The following GSTCD variants were observed in gnomAD, a reference collection of about 807,000 sequenced individuals.
The protein encoded by GSTCD is glutathione S-transferase C-terminal domain containing.
GSTCD carries 44 observed loss-of-function variants against 68.3 expected under a neutral mutation model. The observed-to-expected ratio is 0.64, with a 90% CI of 0.51 to 0.83. The LOEUF (loss-of-function observed/expected upper bound fraction) is 0.83. Among genes scored for constraint, GSTCD ranks in the 40% least tolerant of loss-of-function variants. The pLI, the probability that GSTCD is intolerant of heterozygous loss-of-function variation, is 0.00. For missense variants in GSTCD, 739 were observed against 735.9 expected (o/e 1.00, Z -0.05); for synonymous variants, 273 against 255.2 (o/e 1.07, Z -0.67).
intron 8 of GSTCD, among the ~76,000 whole-genome samples, chr4:105,831,229 GT>G (rs1313931597): frequency 6.6e-6 from 1 of 152,170 alleles, no homozygotes; most frequent in Non-Finnish European, 1.5e-5. Flanking sequence ...GGTATCTAGA[GT>G]TAAGAATCCT....
At chr4:105,716,590 A>T (rs971300518) in intron 1 of GSTCD, among the ~76,000 whole-genome samples, 2 of 152,204 alleles carry the variant, frequency 1.3e-5, no homozygotes, top group African/African-American at 4.8e-5. Flanking sequence ...TCTTAACTGC[A>T]CGCAGGAGGG....
At chr4:105,797,046 ATGTGTGTGTGTG>A (rs201988913) in intron 5 of GSTCD, among the ~76,000 whole-genome samples, 401 of 145,614 alleles carry the variant, frequency 2.8e-3, no homozygotes, top group Non-Finnish European at 4.6e-3. Context: ...ACAGAGATAC[ATGTGTGTGTGTG>A]TGTGTGTGTG....
intron 8 of GSTCD, among the ~76,000 whole-genome samples, chr4:105,826,791 C>T (rs1723639348): frequency 6.6e-6 from 1 of 152,006 alleles, no homozygotes; most frequent in East Asian, 1.9e-4. Flanking sequence ...AACCACTTTC[C>T]AGGAAGGTTC....
intron 5 of GSTCD, among the ~76,000 whole-genome samples, chr4:105,765,900 T>C (rs907872842): frequency 2.0e-5 from 3 of 152,168 alleles, no homozygotes; most frequent in African/African-American, 7.2e-5. Flanking sequence ...GATTGTAAGT[T>C]TCCTGAGGCC....
intron 3 of GSTCD, among the ~76,000 whole-genome samples, chr4:105,720,615 T>G (rs941504930): frequency 1.3e-5 from 2 of 152,188 alleles, no homozygotes; most frequent in African/African-American, 4.8e-5. Context: ...ATTGTTTAGA[T>G]GTTGATTGCT....
intron 5 of GSTCD, among the ~76,000 whole-genome samples, chr4:105,818,738 A>G (rs1723131677): frequency 6.6e-6 from 1 of 151,750 alleles, no homozygotes. Context: ...TCAGGGGTAT[A>G]ACAAGGGAAG....
At chr4:105,797,914 G>A (rs546054470) in intron 5 of GSTCD, among the ~76,000 whole-genome samples, 23 of 151,854 alleles carry the variant, frequency 1.5e-4, no homozygotes, top group African/African-American at 5.6e-4. Context: ...AATTACAGGT[G>A]TGCACCACCA....
intron 5 of GSTCD, among the ~76,000 whole-genome samples, chr4:105,731,200 T>C (rs1253409735): frequency 6.6e-6 from 1 of 152,176 alleles, no homozygotes; most frequent in African/African-American, 2.4e-5. Context: ...CTTAGGATTG[T>C]CTTGGCAATG....
At chr4:105,829,869 A>C (rs553819693) in intron 8 of GSTCD, among the ~76,000 whole-genome samples, 41 of 152,318 alleles carry the variant, frequency 2.7e-4, no homozygotes, top group Non-Finnish European at 5.3e-4. Flanking sequence ...CGTCTTGAAA[A>C]ATAAAAATGT....
intron 5 of GSTCD, among the ~76,000 whole-genome samples, chr4:105,744,311 A>G (rs1733732663): frequency 6.6e-6 from 1 of 152,276 alleles, no homozygotes; most frequent in Non-Finnish European, 1.5e-5. Context: ...GTTAAGCTTT[A>G]TTGAATTAAT....
chr4:105,833,007 G>A (rs1723956046), intron 8 of GSTCD, among the ~76,000 whole-genome samples: 1 of 152,216 alleles, frequency 6.6e-6, no homozygotes, highest in Non-Finnish European at 1.5e-5. Flanking sequence ...TGGGATGACA[G>A]CAACATGGAG....
At position 105,841,117 on chromosome 4, in the gene GSTCD, C is replaced by T. The variant is rs144674982; in HGVS notation, c.1696-948C>T. On this transcript the variant is annotated intron_variant, in intron 10 of 11. Coordinates refer to ENST00000515279, the MANE Select transcript of GSTCD (RefSeq NM_001370181.1). ...GATCACAAGGTCAGGAGTTCGAAACCAGCCTGGCCAACATGGTGAAACCCT... is the reference window on the plus strand; with the variant it reads ...GATCACAAGGTCAGGAGTTCGAAACTAGCCTGGCCAACATGGTGAAACCCT... 1.6e-4 allele frequency among the ~76,000 whole-genome samples: 25 copies of T among 152,146 alleles called. No homozygotes were observed. The East Asian group carries it at 4.8e-3, about 29-fold the overall frequency.
intron 10 of GSTCD, among the ~76,000 whole-genome samples, chr4:105,838,394 A>G (rs1724207019): frequency 6.6e-6 from 1 of 152,266 alleles, no homozygotes; most frequent in Non-Finnish European, 1.5e-5. Flanking sequence ...GTAAAAGGTC[A>G]GATAGTAAAT....
chr4:105,713,885 C>G (rs1263898714), intron 1 of GSTCD, among the ~76,000 whole-genome samples: 2 of 151,738 alleles, frequency 1.3e-5, no homozygotes, highest in South Asian at 4.2e-4. Context: ...TAGATCTTGA[C>G]TTGAATTTTG....
chr4:105,768,832 C>G (rs1734720791), intron 5 of GSTCD, among the ~76,000 whole-genome samples: 1 of 151,252 alleles, frequency 6.6e-6, no homozygotes. Context: ...TTATATTATT[C>G]TCATATAATC....
In GSTCD at chr4:105,842,095, C is replaced by G; in HGVS notation, c.1726C>G (p.Gln576Glu). 6.2e-7 allele frequency: 1 copy of G among 1,613,876 alleles called. No homozygotes were observed. Among genetic ancestry groups the G allele is most frequent in the South Asian group, 1.1e-5 (1 of 91,082 alleles). The change falls in exon 11 of 12, where the codon CAG becomes GAG. Residue 576 changes from glutamine (Q) to glutamate (E), a missense_variant. By Grantham distance (29) the Gln-to-Glu change is conservative. Coordinates refer to ENST00000515279, the MANE Select transcript of GSTCD (RefSeq NM_001370181.1). ...CATGATTCTGTGCAGATTTGCAGAC[C>G]AGACAGCTGTCCAGCTCCCACCCCA... ...EHMILCRFAD[Q>E]TAVQLPPQRR...
intron 9 of GSTCD, among the ~76,000 whole-genome samples, chr4:105,836,985 T>G (rs956263310): frequency 6.6e-6 from 1 of 152,256 alleles, no homozygotes; most frequent in Non-Finnish European, 1.5e-5. Context: ...TGTTTTTGAA[T>G]GACTTAAGAG....
intron 1 of GSTCD, among the ~76,000 whole-genome samples, chr4:105,715,383 A>C (rs1160284488): frequency 2.0e-5 from 3 of 152,174 alleles, no homozygotes; most frequent in Admixed American, 2.0e-4. Context: ...AAATTTTTAA[A>C]AAATAAGCTC....
At chr4:105,734,188 C>T (rs1431700143) in intron 5 of GSTCD, among the ~76,000 whole-genome samples, 1 of 152,058 alleles carries the variant, frequency 6.6e-6, no homozygotes, top group African/African-American at 2.4e-5. Context: ...TCTCGAGGAA[C>T]ATCTTTGTGG....
Sources: gnomAD v4.1 joint callset for allele counts (sites outside exome capture counted in the v4.1 genomes callset) on GRCh38, gnomAD v4.1.1 for gene constraint, MANE v1.5 for transcripts, NCBI Gene and HGNC (gene_info 2026-07-23, HGNC 2026-07-21) for gene names.